The following KCNH5 variants were observed in gnomAD, a reference collection of about 807,000 sequenced individuals.
KCNH5 encodes the protein voltage-gated delayed rectifier potassium channel KCNH5.
KCNH5 carries 46 observed loss-of-function variants against 96.1 expected under a neutral mutation model. The observed-to-expected ratio is 0.48, with a 90% CI of 0.38 to 0.61. KCNH5 has a LOEUF of 0.61. KCNH5 is among the 20% of genes least tolerant of loss of function. KCNH5 has a pLI of 0.00. For synonymous variants in KCNH5, 439 were observed against 449.8 expected, an observed-to-expected ratio of 0.98 and a Z score of 0.30; for missense variants, 907 against 1,225.8, an observed-to-expected ratio of 0.74 and a Z score of 3.88.
At chr14:62,718,440 T>C (rs886505987) in intron 10 of KCNH5, among the ~76,000 whole-genome samples, 4 of 152,196 alleles carry the variant, frequency 2.6e-5, no homozygotes, top group Non-Finnish European at 4.4e-5. Context: ...GATCTATAAA[T>C]GGCCAATAGG....
At chr14:62,761,356 C>CA (rs5809168) in intron 10 of KCNH5, among the ~76,000 whole-genome samples, 232 of 127,378 alleles carry the variant, frequency 1.8e-3, no homozygotes, top group Middle Eastern at 4.4e-3. Flanking sequence ...CTCACTCTCT[C>CA]AAAAAAAAAA....
chr14:62,919,265 G>A (rs1259006579), intron 7 of KCNH5, among the ~76,000 whole-genome samples: 10 of 151,582 alleles, frequency 6.6e-5, no homozygotes, highest in African/African-American at 2.2e-4. Context: ...TTTTCTTCAC[G>A]AGTATGTATT....
At chr14:62,984,842 C>A (rs1381249054) in intron 5 of KCNH5, among the ~76,000 whole-genome samples, 1 of 152,082 alleles carries the variant, frequency 6.6e-6, no homozygotes, top group East Asian at 1.9e-4. Flanking sequence ...AAGTTTCTTT[C>A]TTTTCCGTTG....
intron 7 of KCNH5, among the ~76,000 whole-genome samples, chr14:62,938,867 T>C (rs1345262235): frequency 6.6e-6 from 1 of 152,248 alleles, no homozygotes; most frequent in Non-Finnish European, 1.5e-5. Flanking sequence ...CCTTTCGTTT[T>C]ATAACACAAA....
chr14:62,958,323 T>A (rs1890144645), intron 6 of KCNH5, among the ~76,000 whole-genome samples: 1 of 152,212 alleles, frequency 6.6e-6, no homozygotes, highest in Non-Finnish European at 1.5e-5. Context: ...AAACTTAACA[T>A]CACCTTGGGT....
chr14:62,827,137 G>C (rs1246764259), intron 8 of KCNH5, among the ~76,000 whole-genome samples: 1 of 152,020 alleles, frequency 6.6e-6, no homozygotes, highest in Admixed American at 6.6e-5. Context: ...TGTATAAAAG[G>C]AACAAAAATG....
chr14:62,865,710 C>T (rs1359875588), intron 7 of KCNH5, among the ~76,000 whole-genome samples: 2 of 152,118 alleles, frequency 1.3e-5, no homozygotes, highest in Non-Finnish European at 2.9e-5. Flanking sequence ...CAGTTGTGTA[C>T]TTTTGACTGC....
At chr14:62,926,533 G>A (rs1283815859) in intron 7 of KCNH5, among the ~76,000 whole-genome samples, 1 of 152,098 alleles carries the variant, frequency 6.6e-6, no homozygotes, top group African/African-American at 2.4e-5. Flanking sequence ...AGACTGAGTG[G>A]CTTGAACAAC....
At position 62,704,069 on chromosome 14, in the gene KCNH5, C is replaced by G. The variant is rs1420691605; in HGVS notation, c.*3439G>C. The G allele has an allele frequency of 2.6e-5, 4 of 151,842 alleles. No homozygotes were observed. The East Asian group carries it at 7.7e-4, about 29-fold the overall frequency. 9.4% of individuals were successfully genotyped at this position (151,842 alleles called of 1,614,324 possible). A position where few individuals can be genotyped will look rare whatever the true frequency, so the allele number is the denominator to read the frequency against. ...AGGGAAAATGTGATTTTCATTTGGG[C>G]TCCAATAAGGTTAATTTTGATAATG... On this transcript the variant is annotated 3_prime_UTR_variant, in exon 11 of 11. Coordinates refer to ENST00000322893, the MANE Select transcript of KCNH5 (RefSeq NM_139318.5).
chr14:62,729,854 C>T (rs1047714953), intron 10 of KCNH5, among the ~76,000 whole-genome samples: 1 of 152,164 alleles, frequency 6.6e-6, no homozygotes, highest in Non-Finnish European at 1.5e-5. Context: ...AAGTGAAGCA[C>T]CAGTACATCT....
chr14:62,843,457 G>A (rs1045534763), intron 8 of KCNH5, among the ~76,000 whole-genome samples: 1 of 145,030 alleles, frequency 6.9e-6, no homozygotes, highest in Non-Finnish European at 1.5e-5. Context: ...TGTTGCCCAG[G>A]CTGGAGTACA....
intron 10 of KCNH5, among the ~76,000 whole-genome samples, chr14:62,753,306 G>GAGAAAAAAGA (rs745584985): frequency 6.6e-6 from 1 of 151,834 alleles, no homozygotes; most frequent in East Asian, 1.9e-4. Flanking sequence ...ATAGACAGAA[G>GAGAAAAAAGA]AGAAAAAAGA....
intron 7 of KCNH5, among the ~76,000 whole-genome samples, chr14:62,874,471 C>T (rs1323455129): frequency 6.6e-6 from 1 of 152,136 alleles, no homozygotes; most frequent in Non-Finnish European, 1.5e-5. Flanking sequence ...AAACCAGCAG[C>T]ACATCAGAAA....
intron 6 of KCNH5, among the ~76,000 whole-genome samples, chr14:62,961,981 A>T (rs936023741): frequency 1.3e-5 from 2 of 148,662 alleles, no homozygotes; most frequent in African/African-American, 5.0e-5. Flanking sequence ...AGATGCAGAT[A>T]GAGATGCAGA....
chr14:62,881,754 C>T (rs139721345), intron 7 of KCNH5, among the ~76,000 whole-genome samples: 1 of 146,670 alleles, frequency 6.8e-6, no homozygotes, highest in African/African-American at 2.4e-5. Context: ...ATTTTACAGA[C>T]CCAGACGAAA....
intron 7 of KCNH5, among the ~76,000 whole-genome samples, chr14:62,918,078 T>A (rs928417879): frequency 2.0e-5 from 3 of 152,112 alleles, no homozygotes; most frequent in African/African-American, 7.2e-5. Flanking sequence ...TTACTAGATG[T>A]GTGATTTGGG....
chr14:62,907,974 T>G (rs1262879065), intron 7 of KCNH5, among the ~76,000 whole-genome samples: 2 of 152,176 alleles, frequency 1.3e-5, no homozygotes, highest in Non-Finnish European at 2.9e-5. Context: ...TAAAGATACT[T>G]TCCCAAGCAT....
intron 8 of KCNH5, among the ~76,000 whole-genome samples, chr14:62,820,302 TTTTC>T (rs1166189062): frequency 6.6e-6 from 1 of 152,130 alleles, no homozygotes; most frequent in African/African-American, 2.4e-5. Context: ...TTAATTCAGC[TTTTC>T]TTTATTTTTT....
intron 6 of KCNH5, among the ~76,000 whole-genome samples, chr14:62,971,776 T>C (rs531484083): frequency 1.3e-5 from 2 of 151,548 alleles, no homozygotes; most frequent in South Asian, 4.2e-4. Context: ...TTTCAAAAAA[T>C]AGTGATGAAA....
Sources: gnomAD v4.1 joint callset for allele counts (sites outside exome capture counted in the v4.1 genomes callset) on GRCh38, gnomAD v4.1.1 for gene constraint, MANE v1.5 for transcripts, NCBI Gene and HGNC (gene_info 2026-07-23, HGNC 2026-07-21) for gene names.